Variants in HIPK2 observed in about 807,000 individuals in gnomAD.
The protein encoded by HIPK2 is homeodomain-interacting protein kinase 2.
In HIPK2, 27 loss-of-function variants were observed where a neutral mutation model predicts 113.7. The ratio of observed to expected loss-of-function variants is 0.24; its 90% CI spans 0.17 to 0.33. The LOEUF is 0.33. Among genes scored for constraint, HIPK2 ranks in the 10% least tolerant of loss-of-function variants. HIPK2 has a pLI of 1.00. For synonymous variants in HIPK2, 631 were observed against 642.2 expected (o/e 0.98, Z 0.26); for missense variants, 1,257 against 1,588.0 (o/e 0.79, Z 3.54).
At chr7:139,653,733 T>C (rs1302284385) in intron 2 of HIPK2, among the ~76,000 whole-genome samples, 1 of 151,808 alleles carries the variant, frequency 6.6e-6, no homozygotes, top group African/African-American at 2.4e-5. Context: ...TCCTCGAGAC[T>C]GTTGTTGTTT....
At chr7:139,629,518 T>C (rs1251499550) in intron 4 of HIPK2, among the ~76,000 whole-genome samples, 1 of 152,212 alleles carries the variant, frequency 6.6e-6, no homozygotes, top group Non-Finnish European at 1.5e-5. Context: ...ACAGTTACTA[T>C]CCCCATTTTC....
chr7:139,745,031 G>A (rs968927085), intron 1 of HIPK2, among the ~76,000 whole-genome samples: 1 of 152,164 alleles, frequency 6.6e-6, no homozygotes, highest in Non-Finnish European at 1.5e-5. Context: ...CAAGGCTGGT[G>A]GGCACAGTCA....
chr7:139,619,444 A>G (rs987696521), intron 7 of HIPK2, among the ~76,000 whole-genome samples: 2 of 152,188 alleles, frequency 1.3e-5, no homozygotes, highest in Admixed American at 6.5e-5. Flanking sequence ...TATTCATTCA[A>G]TAAATATTGC....
intron 6 of HIPK2, among the ~76,000 whole-genome samples, chr7:139,621,924 GGAAAA>G (rs1278598776): frequency 1.2e-5 from 1 of 84,048 alleles, no homozygotes; most frequent in African/African-American, 5.3e-5. Context: ...CCCTGTCTCA[GGAAAA>G]AAAAAAAAAA....
At chr7:139,590,936 C>T (rs1370053542) in intron 12 of HIPK2, among the ~76,000 whole-genome samples, 1 of 152,230 alleles carries the variant, frequency 6.6e-6, no homozygotes, top group Non-Finnish European at 1.5e-5. Context: ...CCTCGAACTC[C>T]TGGGCGGAAG....
intron 1 of HIPK2, among the ~76,000 whole-genome samples, chr7:139,734,710 A>G (rs1369598437): frequency 6.6e-6 from 1 of 152,214 alleles, no homozygotes; most frequent in Non-Finnish European, 1.5e-5. Flanking sequence ...TAAAAATAGC[A>G]TGGCTCACAC....
intron 2 of HIPK2, among the ~76,000 whole-genome samples, chr7:139,666,790 C>A (rs1389143236): frequency 6.6e-6 from 1 of 152,222 alleles, no homozygotes; most frequent in African/African-American, 2.4e-5. Context: ...TGGCTGGGTA[C>A]AGTGGCTCAC....
At chr7:139,600,205 A>G (rs1799370540) in intron 11 of HIPK2, among the ~76,000 whole-genome samples, 1 of 152,122 alleles carries the variant, frequency 6.6e-6, no homozygotes, top group Non-Finnish European at 1.5e-5. Flanking sequence ...TCCCTACACT[A>G]TTACCACGGT....
At position 139,563,565 on chromosome 7, in the gene HIPK2, C is replaced by T; in HGVS notation, c.*9362G>A. 2.9e-6 allele frequency: 1 copy of T among 349,228 alleles called. No individual in the cohort carries two copies. The highest frequency in any genetic ancestry group is 4.7e-5 in the Admixed American group (1 of 21,210). The allele number at this position is 349,228 out of a possible 1,614,324, so 21.6% of individuals were successfully genotyped here. ...TTTTCAAATGAACAAAAGGCAATTT[C>T]TATGTTTTAAAAATATAAGCCCCAA... On this transcript the variant is annotated 3_prime_UTR_variant, in exon 15 of 15. Coordinates refer to ENST00000406875, the MANE Select transcript of HIPK2 (RefSeq NM_022740.5).
chr7:139,756,112 C>A (rs561062144), intron 1 of HIPK2, among the ~76,000 whole-genome samples: 1 of 152,086 alleles, frequency 6.6e-6, no homozygotes, highest in Non-Finnish European at 1.5e-5. Context: ...AACCCAAACA[C>A]GTCTAATAAT....
intron 1 of HIPK2, among the ~76,000 whole-genome samples, chr7:139,773,633 T>C (rs1377420841): frequency 2.0e-5 from 3 of 151,906 alleles, no homozygotes; most frequent in Non-Finnish European, 2.9e-5. Context: ...GAGAGAGAGA[T>C]GAAGAAATAT....
rs1020506503 is a variant in HIPK2, at chr7:139,699,473, T to C, written c.1103+16459A>G. Among the ~76,000 whole-genome samples the C allele has an allele frequency of 1.6e-4, 24 of 152,256 alleles. No homozygotes were observed. In the East Asian group the frequency reaches 4.4e-3, roughly 28 times the overall value. On this transcript the variant is annotated intron_variant, in intron 2 of 14. Transcript: ENST00000406875. The stretch of plus-strand genomic sequence containing the variant: ...GGAAGAGGACCATGCTTAGGCCACA[T>C]GTACCTGCCATCCACAGCCTCCAAC...
chr7:139,670,346 G>C (rs963598340), intron 2 of HIPK2, among the ~76,000 whole-genome samples: 1 of 152,042 alleles, frequency 6.6e-6, no homozygotes, highest in Non-Finnish European at 1.5e-5. Flanking sequence ...CATTGTGGTA[G>C]GCTGAAGAGG....
chr7:139,729,868 C>A (rs1466844789), intron 1 of HIPK2, among the ~76,000 whole-genome samples: 1 of 152,146 alleles, frequency 6.6e-6, no homozygotes, highest in East Asian at 1.9e-4. Flanking sequence ...GAATCACAAA[C>A]CTTTACGAAA....
chr7:139,562,063 A>G lies in HIPK2; in HGVS notation c.*10864T>C, dbSNP rs1231059095. The G allele has an allele frequency of 6.6e-6, 1 of 152,254 alleles. No individual in the cohort carries two copies. The highest frequency in any genetic ancestry group is 1.5e-5 in the Non-Finnish European group (1 of 68,052). 9.4% of individuals were successfully genotyped at this position (152,254 alleles called of 1,614,324 possible). A position where few individuals can be genotyped will look rare whatever the true frequency, so the allele number is the denominator to read the frequency against. ...ACATACCTATAATATGAGACTAAGG[A>G]ATAGGTTACATATAGGTCTACAACA... On this transcript the variant is annotated 3_prime_UTR_variant, in exon 15 of 15. Transcript: ENST00000406875.
intron 12 of HIPK2, among the ~76,000 whole-genome samples, chr7:139,595,629 G>GT (rs909244809): frequency 3.3e-5 from 5 of 152,122 alleles, no homozygotes; most frequent in Non-Finnish European, 7.4e-5. Context: ...AATGAGACAT[G>GT]TACTAACCCC....
chr7:139,575,255 G>C lies in HIPK2; in HGVS notation c.2999C>G (p.Ser1000Cys), dbSNP rs1798449802. 1.9e-6 allele frequency: 3 copies of C among 1,576,744 alleles called. No homozygotes were observed. Among genetic ancestry groups the C allele is most frequent in the Non-Finnish European group, 2.6e-6 (3 of 1,161,234 alleles). ...GGAGGTCACGTTGCTGGAGGACTTG[G>C]ACTTGTAGGAGGACGAGTGGTGACT... ...NTSHHSSSYK[S>C]KSSSNVTSTS... The change falls in exon 14 of 15, where the codon TCC becomes TGC. Residue 1000 changes from serine to cysteine, a missense_variant. By Grantham distance (112) the Ser-to-Cys change is moderately radical (BLOSUM62 -1). Transcript: ENST00000406875.
At chr7:139,668,768 G>A (rs1802152019) in intron 2 of HIPK2, among the ~76,000 whole-genome samples, 1 of 152,106 alleles carries the variant, frequency 6.6e-6, no homozygotes, top group South Asian at 2.1e-4. Context: ...GGTCTGACTG[G>A]TTACAGTTGC....
intron 1 of HIPK2, among the ~76,000 whole-genome samples, chr7:139,733,043 A>G (rs1402220052): frequency 6.6e-6 from 1 of 151,758 alleles, no homozygotes; most frequent in Admixed American, 6.6e-5. Flanking sequence ...TGGTGGCTTA[A>G]AAGTGTGTGG....
Sources: gnomAD v4.1 joint callset for allele counts (sites outside exome capture counted in the v4.1 genomes callset) on GRCh38, gnomAD v4.1.1 for gene constraint, MANE v1.5 for transcripts, NCBI Gene and HGNC (gene_info 2026-07-23, HGNC 2026-07-21) for gene names.